SAMMSON: variants seen among roughly 807,000 people sequenced by gnomAD.
SAMMSON encodes the protein long intergenic non-protein coding RNA 1212.
At chr3:70,326,800 G>A (rs1042828933) in intron 7 of SAMMSON, among the ~76,000 whole-genome samples, 1 of 152,126 alleles carries the variant, frequency 6.6e-6, no homozygotes, top group East Asian at 1.9e-4. Flanking sequence ...TCATGGATAA[G>A]GTTTTATGCC....
At chr3:70,327,740 C>G (rs1702589650) in intron 7 of SAMMSON, among the ~76,000 whole-genome samples, 1 of 152,146 alleles carries the variant, frequency 6.6e-6, no homozygotes, top group African/African-American at 2.4e-5. Context: ...AGATATCATC[C>G]TAGTAGTGAG....
chr3:70,320,604 A>G (rs959053686), intron 7 of SAMMSON, among the ~76,000 whole-genome samples: 3 of 152,098 alleles, frequency 2.0e-5, no homozygotes, highest in Non-Finnish European at 4.4e-5. Flanking sequence ...GCACCTAAAC[A>G]ACCTTATTTA....
At chr3:70,368,398 A>T (rs1702937720) in intron 9 of SAMMSON, among the ~76,000 whole-genome samples, 1 of 151,640 alleles carries the variant, frequency 6.6e-6, no homozygotes, top group South Asian at 2.1e-4. Context: ...GACTGTTAGG[A>T]AATATTCTAA....
At position 70,395,334 on chromosome 3, in the gene SAMMSON, T is replaced by TTTA. The variant is rs1176778887; in HGVS notation, n.233+37012_233+37013insATT. On this transcript the variant is annotated intron_variant and non_coding_transcript_variant, in intron 2 of 3. Coordinates refer to the SAMMSON transcript ENST00000641053. The stretch of plus-strand genomic sequence containing the variant: ...TCCTCTCCTTCTCTCTCTCTCTCTT[T>TTTA]TTTTTTTTTTTTTTTGTGTTGTTGT... Among the ~76,000 whole-genome samples, 3 of 145,770 alleles carry TTTA rather than the reference T, an allele frequency of 2.1e-5. No homozygotes were observed. In the East Asian group the frequency reaches 6.0e-4, roughly 29 times the overall value.
intron 6 of SAMMSON, chr3:70,272,321 T>C (rs1178455225): frequency 1.3e-5 from 2 of 152,230 alleles, no homozygotes; most frequent in East Asian, 3.9e-4. Context: ...GCAATCACTT[T>C]CTGCTACTAT....
intron 4 of SAMMSON, chr3:70,205,441 T>C (rs1184455942): frequency 1.3e-5 from 2 of 152,148 alleles, no homozygotes; most frequent in Non-Finnish European, 2.9e-5. Context: ...AGACACCACA[T>C]ACATAATATA....
intron 4 of SAMMSON, among the ~76,000 whole-genome samples, chr3:70,086,755 A>T (rs2067286735): frequency 6.6e-6 from 1 of 152,214 alleles, no homozygotes; most frequent in South Asian, 2.1e-4. Context: ...GCATGTAATG[A>T]GTTCTCATAC....
At chr3:70,289,994 C>G (rs1702215062) in intron 6 of SAMMSON, among the ~76,000 whole-genome samples, 1 of 152,018 alleles carries the variant, frequency 6.6e-6, no homozygotes, top group African/African-American at 2.4e-5. Context: ...ACTTCTTTGC[C>G]TTTGGTTTGA....
Position 70,317,757 on chromosome 3 carries a change from C to T in SAMMSON, n.739+26514C>T, listed in dbSNP as rs539091580. 1.1e-4 allele frequency among the ~76,000 whole-genome samples: 17 copies of T among 151,830 alleles called. No homozygotes were observed. In the South Asian group the frequency reaches 2.1e-3, roughly 19 times the overall value. ...CCATTTCTGGTTTTCTTCATTACAT[C>T]TAGTAGACCTGAATTTTCATCTCAT... On this transcript the variant is annotated intron_variant and non_coding_transcript_variant, in intron 7 of 9. Coordinates refer to ENST00000642114, the Ensembl canonical transcript of SAMMSON.
At chr3:70,151,394 G>A (rs2067571458) in intron 4 of SAMMSON, among the ~76,000 whole-genome samples, 1 of 151,982 alleles carries the variant, frequency 6.6e-6, no homozygotes, top group South Asian at 2.1e-4. Context: ...ATGATTCTTT[G>A]CTACTGCCAG....
intron 4 of SAMMSON, among the ~76,000 whole-genome samples, chr3:70,143,823 C>T (rs1485655989): frequency 6.6e-6 from 1 of 152,136 alleles, no homozygotes; most frequent in African/African-American, 2.4e-5. Context: ...TTCTTTTCAA[C>T]TCCTCTCAAC....
intron 4 of SAMMSON, among the ~76,000 whole-genome samples, chr3:70,212,858 A>G (rs1454771801): frequency 6.6e-6 from 1 of 151,776 alleles, no homozygotes; most frequent in Non-Finnish European, 1.5e-5. Flanking sequence ...TGGTGGTGCA[A>G]TCACAGTTCA....
chr3:70,166,952 C>T (rs1274425516), intron 4 of SAMMSON, among the ~76,000 whole-genome samples: 1 of 151,842 alleles, frequency 6.6e-6, no homozygotes. Context: ...TATATCAATG[C>T]TGTCCAATAG....
At chr3:70,012,444 C>G (rs909811896) in exon 2 of SAMMSON, 2 of 151,880 alleles carry the variant, frequency 1.3e-5, no homozygotes, top group African/African-American at 4.8e-5. Context: ...AGATACTACA[C>G]TGCGGACTTT....
chr3:70,425,569 G>A (rs1004550689), intron 2 of SAMMSON, among the ~76,000 whole-genome samples: 9 of 122,528 alleles, frequency 7.3e-5, no homozygotes, highest in African/African-American at 1.6e-4. Flanking sequence ...CCGCCACCAC[G>A]CCCAGCTATT....
chr3:70,349,829 A>G (rs1375596715), intron 7 of SAMMSON, among the ~76,000 whole-genome samples: 1 of 152,180 alleles, frequency 6.6e-6, no homozygotes, highest in Non-Finnish European at 1.5e-5. Context: ...ACTCAACAAT[A>G]ATGGGTAATT....
At chr3:70,206,210 C>T (rs186387585) in intron 4 of SAMMSON, among the ~76,000 whole-genome samples, 102 of 152,132 alleles carry the variant, frequency 6.7e-4, no homozygotes, top group African/African-American at 2.3e-3. Context: ...CTATTTCTCT[C>T]TGCCTTCTTT....
At chr3:70,278,608 T>A (rs775254680) in intron 6 of SAMMSON, among the ~76,000 whole-genome samples, 1 of 152,192 alleles carries the variant, frequency 6.6e-6, no homozygotes, top group Non-Finnish European at 1.5e-5. Context: ...AATGCCTTTA[T>A]TGACTACTTG....
intron 4 of SAMMSON, among the ~76,000 whole-genome samples, chr3:70,198,237 T>C (rs1701200644): frequency 6.6e-6 from 1 of 152,172 alleles, no homozygotes; most frequent in Admixed American, 6.6e-5. Context: ...TAGATGGGCT[T>C]ATCAATTGAT....
Sources: allele counts gnomAD v4.1 joint callset (sites outside exome capture counted in the v4.1 genomes callset), GRCh38; gene constraint gnomAD v4.1.1; transcripts MANE v1.5; gene names NCBI Gene and HGNC (gene_info 2026-07-23, HGNC 2026-07-21).